Variants in ITPR2 observed in about 807,000 individuals in gnomAD.
ITPR2 encodes the protein inositol 1,4,5-trisphosphate-gated calcium channel ITPR2.
A neutral mutation model predicts 317.1 loss-of-function variants in ITPR2; 207 were observed. The ratio of observed to expected loss-of-function variants is 0.65; its 90% CI spans 0.58 to 0.73. ITPR2 has a LOEUF of 0.73. Ranked by LOEUF, ITPR2 falls within the 30% of genes least tolerant of loss-of-function variation. The pLI is 0.00. For missense variants in ITPR2, 2,613 were observed against 3,284.0 expected, an observed-to-expected ratio of 0.80 and a Z score of 4.99; for synonymous variants, 1,156 against 1,149.1, an observed-to-expected ratio of 1.01 and a Z score of -0.12.
chr12:26,416,029 G>C (rs1001634335), intron 50 of ITPR2, among the ~76,000 whole-genome samples: 4 of 152,062 alleles, frequency 2.6e-5, no homozygotes, highest in African/African-American at 9.7e-5. Context: ...TGATGCAGCC[G>C]GAAAAGTATG....
intron 55 of ITPR2, among the ~76,000 whole-genome samples, chr12:26,383,586 C>CCATTCTCCTG (rs1017669373): frequency 1.3e-5 from 2 of 151,862 alleles, no homozygotes; most frequent in African/African-American, 4.8e-5. Flanking sequence ...CAGGTTCTCA[C>CCATTCTCCTG]CATTCTCCTG....
At chr12:26,412,614 A>C (rs1940584647) in intron 51 of ITPR2, among the ~76,000 whole-genome samples, 1 of 152,166 alleles carries the variant, frequency 6.6e-6, no homozygotes, top group Non-Finnish European at 1.5e-5. Flanking sequence ...GGAGAGAGTG[A>C]AGTACAGATT....
At chr12:26,667,370 T>C (rs1304764191) in intron 13 of ITPR2, among the ~76,000 whole-genome samples, 4 of 152,190 alleles carry the variant, frequency 2.6e-5, no homozygotes, top group Non-Finnish European at 5.9e-5. Flanking sequence ...CTTCCAGGGA[T>C]CATAAACTCC....
intron 46 of ITPR2, among the ~76,000 whole-genome samples, chr12:26,441,803 C>T (rs1278346004): frequency 6.6e-6 from 1 of 152,108 alleles, no homozygotes; most frequent in Non-Finnish European, 1.5e-5. Flanking sequence ...CCAACTTCTG[C>T]TCATTTATTC....
At chr12:26,562,274 A>G (rs2137030669) in intron 34 of ITPR2, among the ~76,000 whole-genome samples, 1 of 152,338 alleles carries the variant, frequency 6.6e-6, no homozygotes, top group Admixed American at 6.5e-5. Context: ...GCCAACATAA[A>G]TAAGAAAGCA....
At chr12:26,792,703 A>G (rs562378319) in intron 1 of ITPR2, among the ~76,000 whole-genome samples, 58 of 152,268 alleles carry the variant, frequency 3.8e-4, no homozygotes, top group Non-Finnish European at 7.1e-4. Context: ...AATATTTGTT[A>G]AATAAATAAA....
chr12:26,662,160 G>A (rs946352884), intron 15 of ITPR2, among the ~76,000 whole-genome samples: 2 of 152,118 alleles, frequency 1.3e-5, no homozygotes, highest in African/African-American at 2.4e-5. Context: ...GAATTGTGAA[G>A]CCAAAACATT....
chr12:26,731,563 G>C (rs1174442751), intron 2 of ITPR2, among the ~76,000 whole-genome samples: 1 of 152,200 alleles, frequency 6.6e-6, no homozygotes, highest in Non-Finnish European at 1.5e-5. Flanking sequence ...CTGGGAGGCT[G>C]ATAAAGGGGG....
chr12:26,647,036 G>A (rs928687300), intron 21 of ITPR2, among the ~76,000 whole-genome samples: 3 of 152,270 alleles, frequency 2.0e-5, no homozygotes, highest in East Asian at 3.9e-4. Flanking sequence ...GTTCAAGGAT[G>A]GGCAGGAAGA....
intron 2 of ITPR2, among the ~76,000 whole-genome samples, chr12:26,766,820 A>C (rs1420140830): frequency 6.6e-6 from 1 of 152,124 alleles, no homozygotes; most frequent in East Asian, 1.9e-4. Flanking sequence ...TTTAAATGTC[A>C]CAGATTTCCT....
In ITPR2 at chr12:26,715,287, A is replaced by G. The variant is rs758186305; in HGVS notation, c.855+12T>C. 1.2e-6 allele frequency: 2 copies of G among 1,601,248 alleles called. No homozygotes were observed. Among genetic ancestry groups the G allele is most frequent in the Non-Finnish European group, 1.7e-6 (2 of 1,174,914 alleles). On this transcript the variant is annotated intron_variant, in intron 8 of 56. Coordinates refer to ENST00000381340, the MANE Select transcript of ITPR2 (RefSeq NM_002223.4). Reference sequence around the variant, plus strand: ...CTAAATATTTATTAAGTGCCAAAAAACATTTACATACCTCTATTTCCCAGA... The same window carrying G: ...CTAAATATTTATTAAGTGCCAAAAAGCATTTACATACCTCTATTTCCCAGA...
At chr12:26,363,018 T>G (rs1390696758) in intron 55 of ITPR2, among the ~76,000 whole-genome samples, 1 of 152,190 alleles carries the variant, frequency 6.6e-6, no homozygotes, top group Non-Finnish European at 1.5e-5. Context: ...CCCCAAACCC[T>G]GGGCCATGGA....
intron 26 of ITPR2, among the ~76,000 whole-genome samples, chr12:26,608,628 G>T (rs1003210011): frequency 3.3e-5 from 5 of 152,184 alleles, no homozygotes; most frequent in Admixed American, 2.6e-4. Flanking sequence ...GGGAAGAGAG[G>T]AGGGCCTCTG....
chr12:26,516,255 A>AGGAAGGGAAG (rs1565574424), intron 37 of ITPR2, among the ~76,000 whole-genome samples: 1,842 of 36,842 alleles, frequency 0.05, 193 homozygotes, highest in Non-Finnish European at 0.095. Context: ...AGGAAAGGAA[A>AGGAAGGGAAG]GGAAAGGAAA....
intron 30 of ITPR2, 129 bp from the exon 31 acceptor site, chr12:26,597,263 A>G: frequency 9.5e-7 from 1 of 1,052,206 alleles, no homozygotes; most frequent in Non-Finnish European, 1.4e-6. Flanking sequence ...GCAAAGACAG[A>G]GCTATGCTTG....
chr12:26,646,606 G>A lies in ITPR2; in HGVS notation c.2740+7370C>T, dbSNP rs143578789. Among the ~76,000 whole-genome samples, 1,012 of 152,150 alleles carry A rather than the reference G, an allele frequency of 6.7e-3. 2 individuals are homozygous for A. The highest frequency in any genetic ancestry group is 0.011 in the Non-Finnish European group (740 of 68,004). On this transcript the variant is annotated intron_variant, in intron 21 of 56. Coordinates refer to ENST00000381340, the MANE Select transcript of ITPR2 (RefSeq NM_002223.4). ...TCTCACTACCCTGCCTCCTGTCTCC[G>A]CCCTACCCTGGGTTGGGTCCACAGG...
At chr12:26,792,694 A>G (rs1449876935) in intron 1 of ITPR2, among the ~76,000 whole-genome samples, 2 of 152,140 alleles carry the variant, frequency 1.3e-5, no homozygotes. Flanking sequence ...TACTAAATAA[A>G]TATTTGTTAA....
chr12:26,718,666 G>C (rs1200969656), intron 5 of ITPR2, among the ~76,000 whole-genome samples: 1 of 151,874 alleles, frequency 6.6e-6, no homozygotes, highest in African/African-American at 2.4e-5. Context: ...CTGGAGTACA[G>C]TGGCACAATC....
chr12:26,787,922 CT>C (rs71069268), intron 2 of ITPR2, among the ~76,000 whole-genome samples: 31,400 of 119,976 alleles, frequency 0.26, 3,187 homozygotes, highest in African/African-American at 0.36. Context: ...GGTGACTATC[CT>C]TTTTTTTTTT....
Sources: allele counts gnomAD v4.1 joint callset (sites outside exome capture counted in the v4.1 genomes callset), GRCh38; gene constraint gnomAD v4.1.1; transcripts MANE v1.5; gene names NCBI Gene and HGNC (gene_info 2026-07-23, HGNC 2026-07-21).